CNTLN: variants seen among roughly 807,000 people sequenced by gnomAD.
The protein encoded by CNTLN is centlein, centrosomal protein.
Under a neutral mutation model 180.0 loss-of-function variants are expected in CNTLN, and 212 were observed. The ratio of observed to expected loss-of-function variants is 1.18; its 90% CI spans 1.05 to 1.32. The LOEUF (loss-of-function observed/expected upper bound fraction) is 1.32. Among genes scored for constraint, CNTLN ranks in the 40% most tolerant of loss-of-function variants. The probability of loss-of-function intolerance (pLI) is 0.00; values close to 1 mark genes in which losing one functional copy is unlikely to be tolerated. For missense variants in CNTLN, 2,095 were observed against 1,610.9 expected (o/e 1.30, Z -5.14); for synonymous variants, 722 against 563.1 (o/e 1.28, Z -3.99).
At chr9:17,399,921 A>G (rs1826837323) in intron 15 of CNTLN, among the ~76,000 whole-genome samples, 1 of 152,006 alleles carries the variant, frequency 6.6e-6, no homozygotes, top group South Asian at 2.1e-4. Flanking sequence ...GTCTTACCAC[A>G]TTTTCCCATG....
At position 17,135,277 on chromosome 9, in the gene CNTLN, G is replaced by A; in HGVS notation, c.212G>A (p.Gly71Glu). Reference sequence around the variant, plus strand: ...TCAGGGGGCCGGCGAGGGCCTGGGGGGGCAGCTCCGGCTCATGCTCCCCTC... The same window carrying A: ...TCAGGGGGCCGGCGAGGGCCTGGGGAGGCAGCTCCGGCTCATGCTCCCCTC... ...EGSGGRRGPG[G>E]AAPAHAPLLS... Residue 71 changes from glycine to glutamate, a missense_variant, in exon 1 of 26, where the codon GGG becomes GAG. Physicochemically the swap from Gly to Glu is moderately conservative, Grantham distance 98. Transcript: ENST00000380647. 6.2e-7 allele frequency: 1 copy of A among 1,601,210 alleles called. No individual in the cohort carries two copies. Among genetic ancestry groups the A allele is most frequent in the South Asian group, 1.1e-5 (1 of 88,440 alleles).
downstream of CNTLN, among the ~76,000 whole-genome samples, chr9:17,507,342 T>C (rs1833950746): frequency 6.6e-6 from 1 of 152,212 alleles, no homozygotes; most frequent in Non-Finnish European, 1.5e-5. Flanking sequence ...TATGGCTGCA[T>C]AGTATTCCAT....
chr9:17,285,110 C>T (rs964582627), intron 6 of CNTLN, among the ~76,000 whole-genome samples: 4 of 149,268 alleles, frequency 2.7e-5, no homozygotes, highest in Admixed American at 1.3e-4. Flanking sequence ...CCCACTAACT[C>T]GTCATCTAGC....
chr9:17,390,235 C>T (rs78454891), intron 14 of CNTLN, among the ~76,000 whole-genome samples: 10 of 77,398 alleles, frequency 1.3e-4, no homozygotes, highest in Middle Eastern at 0.014. Flanking sequence ...AAAAGAGCCT[C>T]TTTTTTTTTT....
intron 7 of CNTLN, chr9:17,300,059 A>C (rs60520802): frequency 0.25 from 37,963 of 152,090 alleles, 4,853 homozygotes; most frequent in South Asian, 0.36. Context: ...CTTGACTTTC[A>C]AAGTTACACT....
intron 18 of CNTLN, among the ~76,000 whole-genome samples, chr9:17,433,575 C>T (rs1016321751): frequency 5.9e-5 from 9 of 151,824 alleles, no homozygotes; most frequent in Non-Finnish European, 1.2e-4. Context: ...CGTGAGCCAC[C>T]GCGCCCAGCC....
intron 1 of CNTLN, among the ~76,000 whole-genome samples, chr9:17,140,982 A>G (rs1303860236): frequency 6.6e-6 from 1 of 152,206 alleles, no homozygotes; most frequent in Non-Finnish European, 1.5e-5. Flanking sequence ...TGTAAAATTA[A>G]TAACTTGCTT....
At chr9:17,466,384 A>G (rs1364109410) in intron 22 of CNTLN, among the ~76,000 whole-genome samples, 1 of 151,484 alleles carries the variant, frequency 6.6e-6, no homozygotes, top group Non-Finnish European at 1.5e-5. Flanking sequence ...TTATACAAGT[A>G]GATCTAAATT....
At chr9:17,500,874 A>G (rs1227638883) in intron 25 of CNTLN, among the ~76,000 whole-genome samples, 3 of 152,162 alleles carry the variant, frequency 2.0e-5, no homozygotes, top group Admixed American at 2.0e-4. Context: ...AATGCTCTCA[A>G]GGTTTAAATT....
At chr9:17,487,772 C>T (rs1485376173) in intron 25 of CNTLN, among the ~76,000 whole-genome samples, 1 of 152,070 alleles carries the variant, frequency 6.6e-6, no homozygotes, top group African/African-American at 2.4e-5. Context: ...TCTTCCCTTT[C>T]AAGTATTTTT....
intron 7 of CNTLN, chr9:17,301,558 G>T: frequency 1.0e-6 from 1 of 984,766 alleles, no homozygotes; most frequent in Non-Finnish European, 1.2e-6. Flanking sequence ...GGGAGTGTGG[G>T]AGTAGGGGGC....
intron 2 of CNTLN, among the ~76,000 whole-genome samples, chr9:17,193,974 G>A (rs898588909): frequency 6.6e-6 from 1 of 152,184 alleles, no homozygotes; most frequent in Non-Finnish European, 1.5e-5. Context: ...CCAAGGCTTG[G>A]GGCTTGCACT....
intron 5 of CNTLN, among the ~76,000 whole-genome samples, chr9:17,252,249 A>G (rs746674106): frequency 6.6e-6 from 1 of 151,900 alleles, no homozygotes; most frequent in Non-Finnish European, 1.5e-5. Context: ...TCCTTTGGAT[A>G]GATACCCAGT....
rs541118838 is a variant in CNTLN at position 17,183,573 on chromosome 9, C to G, written c.449+40197C>G. 3.3e-4 allele frequency among the ~76,000 whole-genome samples: 50 copies of G among 151,730 alleles called. 1 individual carries two copies. The highest frequency in any genetic ancestry group is 1.2e-3 in the African/African-American group (49 of 41,426). On this transcript the variant is annotated intron_variant, in intron 2 of 25. Coordinates refer to ENST00000380647, the MANE Select transcript of CNTLN (RefSeq NM_017738.4). ...GTAGTTATGGTAACTTTAAAATGTT[C>G]ACGTGAAACACTAATAATAATCTTT...
At chr9:17,528,506 G>T in the CNTLN span, among the ~76,000 whole-genome samples, 1 of 152,202 alleles carries the variant, frequency 6.6e-6, no homozygotes, top group Non-Finnish European at 1.5e-5. Flanking sequence ...TGTCCCACCC[G>T]AAAGGACACT....
At chr9:17,366,471 T>C (rs1823828748) in intron 12 of CNTLN, 146 bp from the exon 13 acceptor site, 1 of 399,606 alleles carries the variant, frequency 2.5e-6, no homozygotes, top group South Asian at 4.0e-5. Flanking sequence ...TATTTTTGCT[T>C]TCATTTTACT....
intron 12 of CNTLN, among the ~76,000 whole-genome samples, chr9:17,354,256 A>T (rs1822628004): frequency 1.3e-5 from 2 of 152,164 alleles, no homozygotes; most frequent in South Asian, 4.2e-4. Context: ...AGCCTCCCCG[A>T]CGAGCACCAC....
chr9:17,446,833 G>A (rs1438351838), intron 18 of CNTLN, among the ~76,000 whole-genome samples: 2 of 151,962 alleles, frequency 1.3e-5, no homozygotes, highest in African/African-American at 4.8e-5. Context: ...ACACCACAAG[G>A]ACAAGAAAAC....
At chr9:17,141,163 T>G (rs1818063021) in intron 1 of CNTLN, among the ~76,000 whole-genome samples, 1 of 152,200 alleles carries the variant, frequency 6.6e-6, no homozygotes, top group Non-Finnish European at 1.5e-5. Context: ...GGTCTGTTAC[T>G]TGGGCAGAAT....
Sources: gnomAD v4.1 joint callset for allele counts (sites outside exome capture counted in the v4.1 genomes callset) on GRCh38, gnomAD v4.1.1 for gene constraint, MANE v1.5 for transcripts, NCBI Gene and HGNC (gene_info 2026-07-23, HGNC 2026-07-21) for gene names.